LHFPL2: variants seen among roughly 807,000 people sequenced by gnomAD.
LHFPL2 encodes the protein LHFPL tetraspan subfamily member 2 protein.
LHFPL2 carries 7 observed loss-of-function variants against 17.5 expected under a neutral mutation model. That is an observed-to-expected ratio of 0.40 (90% CI 0.23 to 0.75). The LOEUF is 0.75. LHFPL2 is among the 30% of genes least tolerant of loss of function. The pLI is 0.37. For missense variants in LHFPL2, 241 were observed against 294.8 expected, an observed-to-expected ratio of 0.82 and a Z score of 1.34; for synonymous variants, 134 against 116.2, an observed-to-expected ratio of 1.15 and a Z score of -0.99.
intron 2 of LHFPL2, chr5:78,626,334 TAAGAGGCACTG>T (rs1561371310): frequency 6.6e-6 from 1 of 152,250 alleles, no homozygotes; most frequent in Non-Finnish European, 1.5e-5. Context: ...AAAAAGCTTT[TAAGAGGCACTG>T]AAGTGCAGCC....
intron 3 of LHFPL2, among the ~76,000 whole-genome samples, chr5:78,518,757 A>G (rs1755362196): frequency 6.6e-6 from 1 of 151,902 alleles, no homozygotes; most frequent in Non-Finnish European, 1.5e-5. Context: ...TCACAGAAAA[A>G]CCCCTTTTTA....
intron 1 of LHFPL2, among the ~76,000 whole-genome samples, chr5:78,647,370 C>A (rs1297792493): frequency 6.6e-6 from 1 of 152,118 alleles, no homozygotes; most frequent in Non-Finnish European, 1.5e-5. Flanking sequence ...AGCTCTCTGG[C>A]CAAGGGGTAA....
Position 78,604,369 on chromosome 5 carries a change from C to T in LHFPL2, c.-245+27895G>A, listed in dbSNP as rs1744136221. Among the ~76,000 whole-genome samples, 5 of 151,764 alleles carry T rather than the reference C, an allele frequency of 3.3e-5. No homozygotes were observed. The South Asian group carries it at 1.0e-3, about 32-fold the overall frequency. ...GTGGGCGCCTGTAATCCCAGCTACTCGGGAGGCTGAGGCAGGAGAATGGCT... is the reference window on the plus strand; with the variant it reads ...GTGGGCGCCTGTAATCCCAGCTACTTGGGAGGCTGAGGCAGGAGAATGGCT... On this transcript the variant is annotated intron_variant, in intron 2 of 4. Coordinates refer to ENST00000380345, the MANE Select transcript of LHFPL2 (RefSeq NM_005779.3).
At chr5:78,562,303 T>G (rs1231942251) in intron 3 of LHFPL2, among the ~76,000 whole-genome samples, 1 of 152,096 alleles carries the variant, frequency 6.6e-6, no homozygotes, top group Non-Finnish European at 1.5e-5. Flanking sequence ...CCAATCCAGG[T>G]CTGTGTCCAC....
chr5:78,622,788 A>C (rs1428051856), intron 2 of LHFPL2, among the ~76,000 whole-genome samples: 1 of 152,242 alleles, frequency 6.6e-6, no homozygotes, highest in East Asian at 1.9e-4. Context: ...CATGCTCTTT[A>C]GATTCAGGGT....
chr5:78,576,675 C>T (rs1010487134), intron 2 of LHFPL2, among the ~76,000 whole-genome samples: 5 of 152,230 alleles, frequency 3.3e-5, no homozygotes, highest in African/African-American at 1.2e-4. Flanking sequence ...CCACTAATAA[C>T]CTTTTCTTTG....
intron 3 of LHFPL2, among the ~76,000 whole-genome samples, chr5:78,555,670 C>G (rs1378034359): frequency 6.6e-6 from 1 of 152,194 alleles, no homozygotes; most frequent in Non-Finnish European, 1.5e-5. Flanking sequence ...CAGTGGGACA[C>G]CAGGGGAAGA....
intron 4 of LHFPL2, among the ~76,000 whole-genome samples, chr5:78,503,476 C>G (rs1754834896): frequency 6.6e-6 from 1 of 152,220 alleles, no homozygotes; most frequent in Non-Finnish European, 1.5e-5. Context: ...GCAGGTGGAT[C>G]ACCTGAGGTC....
chr5:78,578,620 C>CACACAG lies in LHFPL2; in HGVS notation c.-244-13750_-244-13749insCTGTGT, dbSNP rs1554056806. On this transcript the variant is annotated intron_variant, in intron 2 of 4. Coordinates refer to ENST00000380345, the MANE Select transcript of LHFPL2 (RefSeq NM_005779.3). ...ACACACACACACACACACACACACA[C>CACACAG]AGAGACAGGTCATATGTATTTCAAG... is the stretch of plus-strand genomic sequence containing the variant. Among the ~76,000 whole-genome samples, 13 of 149,728 alleles carry CACACAG rather than the reference C, an allele frequency of 8.7e-5. No individual in the cohort carries two copies. In the South Asian group the frequency reaches 1.3e-3, roughly 15 times the overall value.
chr5:78,575,672 GAA>G (rs1757111498), intron 2 of LHFPL2, among the ~76,000 whole-genome samples: 1 of 152,198 alleles, frequency 6.6e-6, no homozygotes, highest in South Asian at 2.1e-4. Flanking sequence ...AACAAGCAAA[GAA>G]AACAGCACTA....
chr5:78,602,943 T>A (rs1056907818), intron 2 of LHFPL2, among the ~76,000 whole-genome samples: 1 of 152,172 alleles, frequency 6.6e-6, no homozygotes, highest in South Asian at 2.1e-4. Flanking sequence ...CAGGCTAGAG[T>A]GCAGTGGTGC....
intron 2 of LHFPL2, among the ~76,000 whole-genome samples, chr5:78,581,652 G>C (rs937312288): frequency 5.3e-5 from 8 of 152,180 alleles, no homozygotes; most frequent in Non-Finnish European, 8.8e-5. Flanking sequence ...ACTTGATCAT[G>C]GTGGATAAGC....
At chr5:78,507,639 C>T (rs938471161) in intron 4 of LHFPL2, among the ~76,000 whole-genome samples, 1 of 152,076 alleles carries the variant, frequency 6.6e-6, no homozygotes, top group African/African-American at 2.4e-5. Context: ...CTGGTTTGCT[C>T]GAAGGTAGTT....
chr5:78,529,926 T>C (rs1039062715), intron 3 of LHFPL2, among the ~76,000 whole-genome samples: 3 of 152,228 alleles, frequency 2.0e-5, no homozygotes, highest in African/African-American at 7.2e-5. Context: ...ATTTCAGGTA[T>C]TAACTGATTT....
chr5:78,618,531 G>C (rs536293561), intron 2 of LHFPL2, among the ~76,000 whole-genome samples: 396 of 152,346 alleles, frequency 2.6e-3, no homozygotes, highest in Non-Finnish European at 4.4e-3. Context: ...GAAGCGCCCA[G>C]ATATGGCCTC....
At chr5:78,646,473 C>T (rs558315356) in intron 1 of LHFPL2, among the ~76,000 whole-genome samples, 123 of 152,284 alleles carry the variant, frequency 8.1e-4, no homozygotes, top group South Asian at 1.0e-3. Flanking sequence ...GGGAATTATC[C>T]GAGCTGAATT....
chr5:78,548,680 G>C (rs1312378828), intron 3 of LHFPL2, among the ~76,000 whole-genome samples: 3 of 152,208 alleles, frequency 2.0e-5, no homozygotes, highest in Non-Finnish European at 4.4e-5. Flanking sequence ...AGCTATGAGG[G>C]CTAGAACTTC....
At chr5:78,595,025 A>G (rs1296700852) in intron 2 of LHFPL2, among the ~76,000 whole-genome samples, 3 of 152,218 alleles carry the variant, frequency 2.0e-5, no homozygotes, top group Admixed American at 2.0e-4. Flanking sequence ...CAGGGACCAG[A>G]TAGCAAACTT....
At chr5:78,492,728 G>C (rs1449521127) in intron 4 of LHFPL2, among the ~76,000 whole-genome samples, 2 of 152,242 alleles carry the variant, frequency 1.3e-5, no homozygotes, top group African/African-American at 4.8e-5. Flanking sequence ...TGAGCCTGTG[G>C]AAAGCTTCAG....
Sources: gnomAD v4.1 joint callset for allele counts (sites outside exome capture counted in the v4.1 genomes callset) on GRCh38, gnomAD v4.1.1 for gene constraint, MANE v1.5 for transcripts, NCBI Gene and HGNC (gene_info 2026-07-23, HGNC 2026-07-21) for gene names.